GUCA2B: variants seen among roughly 807,000 people sequenced by gnomAD.
GUCA2B encodes the protein guanylate cyclase activator 2B, also known as prepro-uroguanylin.
In GUCA2B, 7 loss-of-function variants were observed where a neutral mutation model predicts 11.1. The ratio of observed to expected loss-of-function variants is 0.63; its 90% CI spans 0.36 to 1.18. GUCA2B has a LOEUF of 1.18. GUCA2B is among the 50% of genes most tolerant of loss of function. The pLI is 0.02. For synonymous variants in GUCA2B, 69 were observed against 65.3 expected (o/e 1.06, Z -0.27); for missense variants, 140 against 142.5 (o/e 0.98, Z 0.09).
chr1:42,154,213 T>C (rs1646097393), intron 1 of GUCA2B, among the ~76,000 whole-genome samples: 1 of 152,124 alleles, frequency 6.6e-6, no homozygotes, highest in Non-Finnish European at 1.5e-5. Flanking sequence ...ATGGTCTCCT[T>C]GGGAAGAACA....
rs749095338 is a variant in GUCA2B, at chr1:42,154,692, C to T, written c.103C>T (p.Arg35Trp). The T allele has an allele frequency of 2.5e-5, 41 of 1,613,754 alleles. No homozygotes were observed. The highest frequency in any genetic ancestry group is 1.7e-4 in the Admixed American group (10 of 60,006). ...CCCCTGTCTGTAGTACCAAGGCTTC[C>T]GGGTCCAGCTGGAATCCATGAAGAA... ...QSVYIQYQGFRVQLESMKKLS... is the reference protein window; with the variant it reads ...QSVYIQYQGFWVQLESMKKLS... Residue 35 changes from arginine to tryptophan, a missense_variant, in exon 2 of 3, where the codon CGG becomes TGG. Physicochemically the swap from Arg to Trp is moderately radical, Grantham distance 101 (BLOSUM62 -3). Coordinates refer to ENST00000372581, the MANE Select transcript of GUCA2B (RefSeq NM_007102.3).
Position 42,153,442 on chromosome 1 carries a change from G to A in GUCA2B, c.-9G>A, listed in dbSNP as rs377628698. 9 of 1,604,246 alleles carry A rather than the reference G, an allele frequency of 5.6e-6. No individual in the cohort carries two copies. The highest frequency in any genetic ancestry group is 7.7e-6 in the Non-Finnish European group (9 of 1,174,100). ...GGTGGACAGCGGCAGGGGGAACCCAGGGAGCGCGATGGGCTGCAGGGCTGC... is the reference window on the plus strand; with the variant it reads ...GGTGGACAGCGGCAGGGGGAACCCAAGGAGCGCGATGGGCTGCAGGGCTGC... On this transcript the variant is annotated 5_prime_UTR_variant, in exon 1 of 3. Coordinates refer to ENST00000372581, the MANE Select transcript of GUCA2B (RefSeq NM_007102.3).
At chr1:42,155,475 T>C in intron 2 of GUCA2B, 60 bp from the exon 3 acceptor site, 2 of 1,365,234 alleles carry the variant, frequency 1.5e-6, no homozygotes, top group Non-Finnish European at 1.0e-6. Flanking sequence ...AGACCTCTTC[T>C]GCTGCCTGGC....
chr1:42,153,490 G>T lies in GUCA2B; in HGVS notation c.40G>T (p.Ala14Ser). 3 of 1,612,812 alleles carry T rather than the reference G, an allele frequency of 1.9e-6. No individual in the cohort carries two copies. The highest frequency in any genetic ancestry group is 1.7e-6 in the Non-Finnish European group (2 of 1,179,770). ...RAASGLLPGV[A>S]VVLLLLLQST... ...TGCATCAGGGCTCCTGCCAGGAGTG[G>T]CCGTGGTCCTCCTGCTGCTGCTGCA... is the stretch of plus-strand genomic sequence containing the variant. The change falls in exon 1 of 3, where the codon GCC becomes TCC. Residue 14 changes from alanine to serine, a missense_variant. Transcript: ENST00000372581.
intron 2 of GUCA2B, among the ~76,000 whole-genome samples, chr1:42,155,072 C>T (rs932951110): frequency 1.1e-4 from 17 of 152,186 alleles, no homozygotes; most frequent in African/African-American, 3.6e-4. Flanking sequence ...CCTTAGTCCA[C>T]GCCAGGCACA....
In GUCA2B at chr1:42,155,729, G is replaced by A; in HGVS notation, c.*133G>A. The A allele has an allele frequency of 1.3e-6, 1 of 753,592 alleles. No homozygotes were observed. Among genetic ancestry groups the A allele is most frequent in the Non-Finnish European group, 2.4e-6 (1 of 419,822 alleles). The allele number at this position is 753,592 out of a possible 1,614,324, so 46.7% of individuals were successfully genotyped here. A position where few individuals can be genotyped will look rare whatever the true frequency, so the allele number is the denominator to read the frequency against. On this transcript the variant is annotated 3_prime_UTR_variant, in exon 3 of 3. Transcript: ENST00000372581. ...GGTCATCACCACCCTTCCAGGGCCT[G>A]AGCAGCTGGATCTGGTACAAAGCAA...
chr1:42,154,912 C>T lies in GUCA2B; in HGVS notation c.277+46C>T, dbSNP rs188619148. 35 of 1,459,160 alleles carry T rather than the reference C, an allele frequency of 2.4e-5. No individual in the cohort carries two copies. In the Middle Eastern group the frequency reaches 2.8e-3, roughly 117 times the overall value. 90.4% of individuals were successfully genotyped at this position (1,459,160 alleles called of 1,614,324 possible). Reference sequence around the variant, plus strand: ...CAGAACCTCGCTCTGTCTCCTCCCACGCCCAGGCTCCTCCACCTGGGTTGT... The same window carrying T: ...CAGAACCTCGCTCTGTCTCCTCCCATGCCCAGGCTCCTCCACCTGGGTTGT... On this transcript the variant is annotated intron_variant, in intron 2 of 2. Transcript: ENST00000372581.
chr1:42,155,793 C>G lies in GUCA2B; in HGVS notation c.*197C>G, dbSNP rs1360128423. 1.6e-6 allele frequency: 1 copy of G among 618,292 alleles called. No homozygotes were observed. Among genetic ancestry groups the G allele is most frequent in the African/African-American group, 1.8e-5 (1 of 54,770 alleles). 38.3% of individuals were successfully genotyped at this position (618,292 alleles called of 1,614,324 possible). A position where few individuals can be genotyped will look rare whatever the true frequency, so the allele number is the denominator to read the frequency against. On this transcript the variant is annotated 3_prime_UTR_variant, in exon 3 of 3. Transcript: ENST00000372581. ...TGGAGGGGGAGGCCCCTGAGGCAGCCCAGCTCCTGAATAAAGATTCTACAA... is the reference window on the plus strand; with the variant it reads ...TGGAGGGGGAGGCCCCTGAGGCAGCGCAGCTCCTGAATAAAGATTCTACAA...
chr1:42,153,700 G>A (rs1403503817), intron 1 of GUCA2B, among the ~76,000 whole-genome samples, 160 bp downstream of exon 1: 6 of 152,220 alleles, frequency 3.9e-5, no homozygotes, highest in Admixed American at 6.5e-5. Context: ...CAGCTGGTGG[G>A]TGGGGGCAGC....
intron 1 of GUCA2B, 124 bp from the exon 2 acceptor site, chr1:42,154,556 C>T: frequency 1.3e-6 from 1 of 780,960 alleles, no homozygotes; most frequent in Non-Finnish European, 2.2e-6. Flanking sequence ...TGGCCCTGGA[C>T]TTCCCATAGA....
rs1157643956 is a variant in GUCA2B at position 42,154,695 on chromosome 1, G to A, written c.106G>A (p.Val36Ile). Residue 36 changes from valine (V) to isoleucine (I), a missense_variant, in exon 2 of 3, where the codon GTC (valine) becomes ATC (isoleucine). Coordinates refer to ENST00000372581, the MANE Select transcript of GUCA2B (RefSeq NM_007102.3). ...SVYIQYQGFRVQLESMKKLSD... is the reference protein window; with the variant it reads ...SVYIQYQGFRIQLESMKKLSD... ...CTGTCTGTAGTACCAAGGCTTCCGG[G>A]TCCAGCTGGAATCCATGAAGAAGCT... 2.5e-6 allele frequency: 4 copies of A among 1,613,912 alleles called. No homozygotes were observed. The highest frequency in any genetic ancestry group is 3.4e-6 in the Non-Finnish European group (4 of 1,179,878).
Position 42,154,676 on chromosome 1 carries a change from G to A in GUCA2B, c.91-4G>A. On this transcript the variant is annotated splice_region_variant and splice_polypyrimidine_tract_variant and intron_variant, in intron 1 of 2. Coordinates refer to ENST00000372581, the MANE Select transcript of GUCA2B (RefSeq NM_007102.3). ...TGCTCCTATCTCCTCTCCCCTGTCT[G>A]TAGTACCAAGGCTTCCGGGTCCAGC... 6.2e-7 allele frequency: 1 copy of A among 1,613,300 alleles called. No homozygotes were observed. The highest frequency in any genetic ancestry group is 8.5e-7 in the Non-Finnish European group (1 of 1,179,218).
intron 1 of GUCA2B, 53 bp from the exon 2 acceptor site, chr1:42,154,627 C>G (rs1358970435): frequency 2.5e-5 from 37 of 1,464,336 alleles, no homozygotes; most frequent in Non-Finnish European, 3.3e-5. Context: ...ATGGCAGTGC[C>G]TGCCCCTGGA....
chr1:42,155,296 A>C (rs1394008785), intron 2 of GUCA2B, among the ~76,000 whole-genome samples: 2 of 152,130 alleles, frequency 1.3e-5, no homozygotes, highest in African/African-American at 2.4e-5. Context: ...TTATCTCCTC[A>C]CAGTGACCCT....
rs752453169 is a variant in GUCA2B, at chr1:42,153,499, C to G, written c.49C>G (p.Leu17Val). The change falls in exon 1 of 3, where the codon CTC (leucine) becomes GTC (valine). Residue 17 changes from leucine to valine, a missense_variant. By Grantham distance (32) the Leu-to-Val change is conservative. Coordinates refer to ENST00000372581, the MANE Select transcript of GUCA2B (RefSeq NM_007102.3). ...SGLLPGVAVV[L>V]LLLLQSTQSV... ...GCTCCTGCCAGGAGTGGCCGTGGTC[C>G]TCCTGCTGCTGCTGCAGAGCACACA... 1.9e-6 allele frequency: 3 copies of G among 1,612,984 alleles called. No homozygotes were observed. Among genetic ancestry groups the G allele is most frequent in the Non-Finnish European group, 2.5e-6 (3 of 1,179,788 alleles).
chr1:42,154,830 G>T lies in GUCA2B; in HGVS notation c.241G>T (p.Ala81Ser). 12 of 1,613,890 alleles carry T rather than the reference G, an allele frequency of 7.4e-6. No homozygotes were observed. The highest frequency in any genetic ancestry group is 1.0e-5 in the Non-Finnish European group (12 of 1,179,908). ...ALPQDLQPVC[A>S]SQEASSIFKT... ...GCCTCAGGACCTTCAGCCTGTCTGC[G>T]CCTCGCAGGAGGCTTCCAGCATCTT... The change falls in exon 2 of 3, where the codon GCC (alanine) becomes TCC (serine). Residue 81 changes from alanine (A) to serine (S), a missense_variant. Ala to Ser is a moderately conservative substitution (Grantham distance 99). Coordinates refer to ENST00000372581, the MANE Select transcript of GUCA2B (RefSeq NM_007102.3).
chr1:42,155,047 G>A (rs547725125), intron 2 of GUCA2B, among the ~76,000 whole-genome samples, 181 bp downstream of exon 2: 45 of 152,328 alleles, frequency 3.0e-4, no homozygotes, highest in African/African-American at 9.9e-4. Context: ...GGCATGCCTG[G>A]AACCTGCTTC....
chr1:42,153,666 C>G (rs1646094668), intron 1 of GUCA2B, 126 bp downstream of exon 1: 1 of 649,380 alleles, frequency 1.5e-6, no homozygotes, highest in South Asian at 1.9e-5. Flanking sequence ...CAGCCCAACA[C>G]CCATCACAGC....
chr1:42,154,534 C>T, intron 1 of GUCA2B, 146 bp from the exon 2 acceptor site: 1 of 684,764 alleles, frequency 1.5e-6, no homozygotes, highest in Non-Finnish European at 2.6e-6. Context: ...ACCGCAGCGG[C>T]TCTTTCCAGT....
Sources: allele counts gnomAD v4.1 joint callset (sites outside exome capture counted in the v4.1 genomes callset), GRCh38; gene constraint gnomAD v4.1.1; transcripts MANE v1.5; gene names NCBI Gene and HGNC (gene_info 2026-07-23, HGNC 2026-07-21).